SRSF1: variants seen among roughly 807,000 people sequenced by gnomAD.
The protein encoded by SRSF1 is serine and arginine rich splicing factor 1.
A neutral mutation model predicts 25.9 loss-of-function variants in SRSF1; 1 was observed. The ratio of observed to expected loss-of-function variants is 0.04; its 90% CI spans 0.01 to 0.18. The LOEUF (loss-of-function observed/expected upper bound fraction) is 0.18. SRSF1 is among the 10% of genes least tolerant of loss of function. The pLI is 1.00. For missense variants in SRSF1, 65 were observed against 350.5 expected, an observed-to-expected ratio of 0.19 and a Z score of 6.50; for synonymous variants, 132 against 126.2, an observed-to-expected ratio of 1.05 and a Z score of -0.31.
rs1388446675 is a variant in SRSF1 at position 58,002,341 on chromosome 17, C to T, written c.*3065G>A. 6.6e-6 allele frequency among the ~76,000 whole-genome samples: 1 copy of T among 152,198 alleles called. No individual in the cohort carries two copies. Among genetic ancestry groups the T allele is most frequent in the African/African-American group, 2.4e-5 (1 of 41,442 alleles). ...AAATCTACCGATTGGGGTGACCTTACACATTTCTTCCACTACCAAGATTTC... is the reference window on the plus strand; with the variant it reads ...AAATCTACCGATTGGGGTGACCTTATACATTTCTTCCACTACCAAGATTTC... On this transcript the variant is annotated 3_prime_UTR_variant, in exon 4 of 4. Coordinates refer to ENST00000258962, the MANE Select transcript of SRSF1 (RefSeq NM_006924.5).
chr17:57,992,679 A>G, the SRSF1 span: 1 of 152,114 alleles, frequency 6.6e-6, no homozygotes, highest in Non-Finnish European at 1.5e-5. Flanking sequence ...TATGCAAAAA[A>G]ATTTACTAAT....
chr17:58,006,090 AC>A, intron 2 of SRSF1, 117 bp from the exon 3 acceptor site: 1 of 1,052,720 alleles, frequency 9.5e-7, no homozygotes, highest in Non-Finnish European at 1.3e-6. Flanking sequence ...CTTAAGTGAT[AC>A]CAGGTAAAGA....
downstream of SRSF1, among the ~76,000 whole-genome samples, chr17:57,997,331 C>T (rs2075369182): frequency 6.6e-6 from 1 of 152,196 alleles, no homozygotes; most frequent in African/African-American, 2.4e-5. Context: ...CTCCAATAAT[C>T]CACCCAGTTA....
At chr17:57,997,466 T>C (rs2075369672), downstream of SRSF1, among the ~76,000 whole-genome samples, 1 of 152,192 alleles carries the variant, frequency 6.6e-6, no homozygotes, top group African/African-American at 2.4e-5. Flanking sequence ...AATATAAATA[T>C]ATTCAGTTCC....
Position 58,006,467 on chromosome 17 carries a change from C to T in SRSF1, c.255G>A (p.Arg85=). 2.5e-6 allele frequency: 4 copies of T among 1,613,606 alleles called. No individual in the cohort carries two copies. The highest frequency in any genetic ancestry group is 2.5e-6 in the Non-Finnish European group (3 of 1,180,030). ...CACGGCCGCTTCGAGGAAACTCCACCCGCAGACGGTACCCATCGTAATCAT... is the reference window on the plus strand; with the variant it reads ...CACGGCCGCTTCGAGGAAACTCCACTCGCAGACGGTACCCATCGTAATCAT... ...DGYDYDGYRL[R]VEFPRSGRGT... The change falls in exon 2 of 4, where the codon CGG becomes CGA. Residue 85 remains arginine, a synonymous_variant. Coordinates refer to ENST00000258962, the MANE Select transcript of SRSF1 (RefSeq NM_006924.5).
At chr17:57,998,752 T>C (rs2075374037), downstream of SRSF1, among the ~76,000 whole-genome samples, 1 of 152,230 alleles carries the variant, frequency 6.6e-6, no homozygotes. Context: ...GGGAAATCTC[T>C]ACTGTGTAAA....
In SRSF1 at chr17:58,006,630, G is replaced by C. The variant is rs76573687; in HGVS notation, c.195-103C>G. 1.6e-4 allele frequency: 217 copies of C among 1,335,310 alleles called. No individual in the cohort carries two copies. In the East Asian group the frequency reaches 5.1e-3, roughly 31 times the overall value. 82.7% of individuals were successfully genotyped at this position (1,335,310 alleles called of 1,614,324 possible). On this transcript the variant is annotated intron_variant, in intron 1 of 3. Coordinates refer to ENST00000258962, the MANE Select transcript of SRSF1 (RefSeq NM_006924.5). Reference sequence around the variant, plus strand: ...CCGCACATGCGCACCCAACGTGGAAGAGCCCACATGCGCCGCATAATAGGA... The same window carrying C: ...CCGCACATGCGCACCCAACGTGGAACAGCCCACATGCGCCGCATAATAGGA...
At chr17:58,006,114 T>C in intron 2 of SRSF1, 141 bp from the exon 3 acceptor site, 2 of 995,970 alleles carry the variant, frequency 2.0e-6, no homozygotes, top group Non-Finnish European at 2.9e-6. Flanking sequence ...GCTGGTAAGA[T>C]TCTGGAATCC....
chr17:58,004,478 A>AT lies in SRSF1; in HGVS notation c.*927dup, dbSNP rs1453266462. ...ATCTACACCAATACATTGGAACTCT[A>AT]TATTTTGCTTTCATTTTGTCTTAAA... On this transcript the variant is annotated 3_prime_UTR_variant, in exon 4 of 4. Transcript: ENST00000258962. The AT allele has an allele frequency of 6.5e-6, 1 of 152,900 alleles. No homozygotes were observed. The highest frequency in any genetic ancestry group is 1.5e-5 in the Non-Finnish European group (1 of 68,260). The allele number at this position is 152,900 out of a possible 1,614,324, so 9.5% of individuals were successfully genotyped here.
At chr17:57,996,952 A>C (rs34976719), downstream of SRSF1, among the ~76,000 whole-genome samples, 9,598 of 152,264 alleles carry the variant, frequency 0.063, 317 homozygotes, top group African/African-American at 0.082. Context: ...ACAAAAAAAC[A>C]ACCAAAATGA....
Position 58,001,453 on chromosome 17 carries a change from C to T in SRSF1, c.*3953G>A, listed in dbSNP as rs754964791. Among the ~76,000 whole-genome samples, 5 of 152,134 alleles carry T rather than the reference C, an allele frequency of 3.3e-5. No homozygotes were observed. Among genetic ancestry groups the T allele is most frequent in the Non-Finnish European group, 5.9e-5 (4 of 68,010 alleles). On this transcript the variant is annotated 3_prime_UTR_variant, in exon 4 of 4. Transcript: ENST00000258962. Reference sequence around the variant, plus strand: ...CTTAGTTTTAAAAACAAAATTCAGACCCAAACAATCAAGAACCAGAAAATG... The same window carrying T: ...CTTAGTTTTAAAAACAAAATTCAGATCCAAACAATCAAGAACCAGAAAATG...
At chr17:58,006,242 C>T in intron 2 of SRSF1, 101 bp downstream of exon 2, 1 of 1,399,002 alleles carries the variant, frequency 7.1e-7, no homozygotes, top group South Asian at 1.4e-5. Flanking sequence ...CAATTTAAGA[C>T]CTAGCATGAA....
chr17:58,005,591 C>T lies in SRSF1; in HGVS notation c.562G>A (p.Ala188Thr), dbSNP rs755570514. Residue 188 changes from alanine to threonine, a missense_variant, in exon 4 of 4, where the codon GCC becomes ACC. Coordinates refer to ENST00000258962, the MANE Select transcript of SRSF1 (RefSeq NM_006924.5). This position sits in a 1 kb window ranked among gnomAD's most constrained non-coding sequence, Gnocchi z 5.2. Reference protein sequence around the residue: ...TKFRSHEGETAYIRVKVDGPR... With the variant: ...TKFRSHEGETTYIRVKVDGPR... ...CCATCAACTTTAACCCGGATGTAGG[C>T]AGTTTCTCCCTATTGGATAGACAGA... The T allele has an allele frequency of 6.2e-7, 1 of 1,614,146 alleles. No individual in the cohort carries two copies. The highest frequency in any genetic ancestry group is 1.7e-5 in the Admixed American group (1 of 60,010).
chr17:57,994,754 C>A, the SRSF1 span: 1 of 151,926 alleles, frequency 6.6e-6, no homozygotes, highest in Non-Finnish European at 1.5e-5. Context: ...TAATTTTAAT[C>A]ATCTTGAATA....
Position 58,004,818 on chromosome 17 carries a change from G to T in SRSF1, c.*588C>A, listed in dbSNP as rs2075416357. ...CTAAAGACAACTGAATAAAATGTTTGCAAGTGTTTTAAGGAAAATGTATAT... is the reference window on the plus strand; with the variant it reads ...CTAAAGACAACTGAATAAAATGTTTTCAAGTGTTTTAAGGAAAATGTATAT... On this transcript the variant is annotated 3_prime_UTR_variant, in exon 4 of 4. Transcript: ENST00000258962. 2 of 396,776 alleles carry T rather than the reference G, an allele frequency of 5.0e-6. No homozygotes were observed. Among genetic ancestry groups the T allele is most frequent in the East Asian group, 7.2e-5 (2 of 27,904 alleles). The allele number at this position is 396,776 out of a possible 1,614,324, so 24.6% of individuals were successfully genotyped here.
the SRSF1 span, chr17:57,994,108 A>G: frequency 6.6e-6 from 1 of 152,390 alleles, no homozygotes; most frequent in Non-Finnish European, 1.5e-5. Flanking sequence ...GGAGAAAGGC[A>G]TCATATACTT....
At chr17:57,999,064 T>C (rs1485232427), downstream of SRSF1, among the ~76,000 whole-genome samples, 1 of 152,200 alleles carries the variant, frequency 6.6e-6, no homozygotes, top group Non-Finnish European at 1.5e-5. Context: ...CAGCTGTTAA[T>C]ATGGCATTAA....
intron 1 of SRSF1, 55 bp from the exon 2 acceptor site, chr17:58,006,582 T>A: frequency 1.3e-6 from 2 of 1,536,384 alleles, no homozygotes; most frequent in Non-Finnish European, 1.8e-6. Context: ...AGAAGCTCGC[T>A]CAGTTGGGAA....
rs1161795194 is a variant in SRSF1 at position 58,002,274 on chromosome 17, A to G, written c.*3132T>C. On this transcript the variant is annotated 3_prime_UTR_variant, in exon 4 of 4. Transcript: ENST00000258962. ...AAGTACTTAGTGAAATTCTGCATTC[A>G]ACTTAACATCCCCTCTTCCCAACAT... Among the ~76,000 whole-genome samples the G allele has an allele frequency of 6.6e-6, 1 of 152,198 alleles. No individual in the cohort carries two copies. Among genetic ancestry groups the G allele is most frequent in the African/African-American group, 2.4e-5 (1 of 41,448 alleles).
Sources: gnomAD v4.1 joint callset for allele counts (sites outside exome capture counted in the v4.1 genomes callset) on GRCh38, gnomAD v4.1.1 for gene constraint, Gnocchi (gnomAD v3.1) non-coding constraint, MANE v1.5 for transcripts, NCBI Gene and HGNC (gene_info 2026-07-23, HGNC 2026-07-21) for gene names.